ARHGEF4: variants seen among roughly 807,000 people sequenced by gnomAD.
The protein encoded by ARHGEF4 is Rho guanine nucleotide exchange factor 4, also known as APC-stimulated guanine nucleotide exchange factor 1.
ARHGEF4 carries 119 observed loss-of-function variants against 162.0 expected under a neutral mutation model. The observed-to-expected ratio is 0.73, with a 90% confidence interval of 0.63 to 0.86. The LOEUF is 0.86. ARHGEF4 is among the 40% of genes least tolerant of loss of function. ARHGEF4 has a pLI of 0.00. For missense variants in ARHGEF4, 2,488 were observed against 2,456.0 expected, an observed-to-expected ratio of 1.01 and a Z score of -0.28; for synonymous variants, 1,014 against 979.9, an observed-to-expected ratio of 1.03 and a Z score of -0.65.
rs189764608 is a variant in ARHGEF4, at chr2:130,913,940, A to G, written c.40-46A>G. On this transcript the variant is annotated intron_variant, in intron 1 of 13. Transcript: ENST00000409359. ...AGGCACGGTGTAAACATGTGCACAG[A>G]TGTACTCAGGCCTTGTCTCTGACTC... is the stretch of plus-strand genomic sequence containing the variant. 5.1e-5 allele frequency: 79 copies of G among 1,534,562 alleles called. 1 individual carries two copies. The Middle Eastern group carries it at 1.2e-3, about 23-fold the overall frequency.
rs115484662 is a variant in ARHGEF4 at position 130,949,785 on chromosome 2, G to A, written c.3985+3150G>A. Among the ~76,000 whole-genome samples, 1,178 of 152,202 alleles carry A rather than the reference G, an allele frequency of 7.7e-3. 6 individuals carry two copies. Among genetic ancestry groups the A allele is most frequent in the Middle Eastern group, 0.017 (5 of 294 alleles). Reference sequence around the variant, plus strand: ...CTGCCTCAGCCCCCAAGTAGCTGGGGTTACAGGTCCCCACCACCATGCCCA... The same window carrying A: ...CTGCCTCAGCCCCCAAGTAGCTGGGATTACAGGTCCCCACCACCATGCCCA... On this transcript the variant is annotated intron_variant, in intron 4 of 13. Transcript: ENST00000409359.
At chr2:131,045,280 C>G in intron 12 of ARHGEF4, 89 bp from the exon 13 acceptor site, 1 of 1,231,270 alleles carries the variant, frequency 8.1e-7, no homozygotes, top group South Asian at 1.4e-5. Flanking sequence ...CATGATGAGA[C>G]CCTGGGCACC....
chr2:130,854,128 T>A (rs1681597812), intron 1 of ARHGEF4, among the ~76,000 whole-genome samples: 1 of 152,122 alleles, frequency 6.6e-6, no homozygotes, highest in African/African-American at 2.4e-5. Flanking sequence ...ATAAAAAAAT[T>A]ATAGCATACC....
At chr2:131,021,035 TG>T (rs1186484002) in intron 4 of ARHGEF4, among the ~76,000 whole-genome samples, 2 of 152,216 alleles carry the variant, frequency 1.3e-5, no homozygotes, top group African/African-American at 4.8e-5. Context: ...TTGATGGGGT[TG>T]TTTTTTTTCT....
At chr2:130,869,079 G>A (rs1274469870) in intron 1 of ARHGEF4, among the ~76,000 whole-genome samples, 1 of 152,216 alleles carries the variant, frequency 6.6e-6, no homozygotes, top group Non-Finnish European at 1.5e-5. Flanking sequence ...CTTGGGCTTA[G>A]GACACAGACA....
chr2:131,045,765 T>C (rs982466561), intron 13 of ARHGEF4: 30 of 1,427,870 alleles, frequency 2.1e-5, no homozygotes, highest in Non-Finnish European at 2.5e-5. Context: ...TCCCCATTTC[T>C]ACAGAGAGCC....
rs531891185 is a variant in ARHGEF4 at position 131,046,966 on chromosome 2, G to T, written c.*777G>T. 3 of 152,792 alleles carry T rather than the reference G, an allele frequency of 2.0e-5. No individual in the cohort carries two copies. Among genetic ancestry groups the T allele is most frequent in the East Asian group, 3.9e-4 (2 of 5,188 alleles). 9.5% of individuals were successfully genotyped at this position (152,792 alleles called of 1,614,324 possible). On this transcript the variant is annotated 3_prime_UTR_variant, in exon 14 of 14. Coordinates refer to ENST00000409359, the MANE Select transcript of ARHGEF4 (RefSeq NM_001367493.1). ...TCTAACAACAAACAATGGAGAAAAA[G>T]AATTGATTCTTAGTGACACAGAAGA... is the stretch of plus-strand genomic sequence containing the variant.
At chr2:130,878,200 T>C (rs563544616) in intron 1 of ARHGEF4, among the ~76,000 whole-genome samples, 1 of 152,348 alleles carries the variant, frequency 6.6e-6, no homozygotes, top group Admixed American at 6.5e-5. Flanking sequence ...TTTATCTTTT[T>C]TTTACAACCC....
At chr2:130,852,883 G>A (rs113442481) in intron 1 of ARHGEF4, among the ~76,000 whole-genome samples, 18 of 152,320 alleles carry the variant, frequency 1.2e-4, no homozygotes, top group Admixed American at 3.3e-4. Context: ...AGGGCTGAGC[G>A]ACACAAGGGC....
chr2:130,926,390 A>G (rs1047185435), intron 2 of ARHGEF4, among the ~76,000 whole-genome samples: 1 of 152,026 alleles, frequency 6.6e-6, no homozygotes, highest in African/African-American at 2.4e-5. Context: ...CTGTCTTCTC[A>G]GTGCTGGTGT....
chr2:130,938,058 G>A lies in ARHGEF4; in HGVS notation c.3858+6801G>A, dbSNP rs147358473. Among the ~76,000 whole-genome samples the A allele has an allele frequency of 2.8e-3, 432 of 152,246 alleles. 5 individuals carry two copies. Among genetic ancestry groups the A allele is most frequent in the Non-Finnish European group, 9.9e-4 (67 of 68,018 alleles). ...GCATGTATGTTGCTGACAGTATTCC[G>A]TGGCCTGGACCTACAACAACTTGTT... On this transcript the variant is annotated intron_variant, in intron 3 of 13. Transcript: ENST00000409359.
intron 3 of ARHGEF4, among the ~76,000 whole-genome samples, chr2:130,944,114 C>G (rs937019521): frequency 6.6e-6 from 1 of 152,170 alleles, no homozygotes; most frequent in Non-Finnish European, 1.5e-5. Context: ...TATTCCACTT[C>G]TTTCTGGCCT....
At chr2:130,922,227 C>T (rs1216876093) in intron 2 of ARHGEF4, among the ~76,000 whole-genome samples, 4 of 151,658 alleles carry the variant, frequency 2.6e-5, no homozygotes, top group African/African-American at 4.8e-5. Flanking sequence ...AAAAATTAGC[C>T]GGGCATGGTG....
At chr2:131,043,409 G>T (rs1354539016) in intron 10 of ARHGEF4, 43 bp from the exon 11 acceptor site, 35 of 1,610,804 alleles carry the variant, frequency 2.2e-5, no homozygotes, top group Non-Finnish European at 2.9e-5. Flanking sequence ...GGAGCCCACG[G>T]TTGGGTATGC....
rs1163234445 is a variant in ARHGEF4, at chr2:131,040,306, G to A, written c.4528G>A (p.Glu1510Lys). ...CAAGCGCGCAGACATGTTCAGCGAG[G>A]AGCAGCTGCGTACCATCTTCGGGAA... ...CRKRADMFSE[E>K]QLRTIFGNIE... is the part of the protein sequence containing the mutation. Residue 1510 changes from glutamate (E) to lysine (K), a missense_variant, in exon 8 of 14, where the codon GAG becomes AAG. By Grantham distance (56) the Glu-to-Lys change is moderately conservative. Transcript: ENST00000409359. The A allele has an allele frequency of 5.0e-6, 8 of 1,613,056 alleles. No individual in the cohort carries two copies. The highest frequency in any genetic ancestry group is 6.8e-6 in the Non-Finnish European group (8 of 1,179,840).
chr2:131,023,530 GA>G (rs2105359076), intron 4 of ARHGEF4, among the ~76,000 whole-genome samples: 1 of 152,300 alleles, frequency 6.6e-6, no homozygotes, highest in African/African-American at 2.4e-5. Context: ...AGCCTTTCAG[GA>G]AATGAAAATT....
At chr2:130,912,766 G>C (rs575285792) in intron 1 of ARHGEF4, among the ~76,000 whole-genome samples, 4 of 152,112 alleles carry the variant, frequency 2.6e-5, no homozygotes, top group Non-Finnish European at 2.9e-5. Context: ...ACTGAGACAC[G>C]CTACAGCCAT....
At chr2:130,958,930 T>C (rs1684460694) in intron 4 of ARHGEF4, among the ~76,000 whole-genome samples, 1 of 151,558 alleles carries the variant, frequency 6.6e-6, no homozygotes, top group Non-Finnish European at 1.5e-5. Context: ...CATATCTAGA[T>C]ACATTTCTTT....
chr2:131,016,608 C>G (rs1474474111), intron 4 of ARHGEF4, among the ~76,000 whole-genome samples: 1 of 152,250 alleles, frequency 6.6e-6, no homozygotes, highest in Non-Finnish European at 1.5e-5. Flanking sequence ...AGTCAGTACT[C>G]ACTTTGTTAA....
Sources: gnomAD v4.1 joint callset for allele counts (sites outside exome capture counted in the v4.1 genomes callset) on GRCh38, gnomAD v4.1.1 for gene constraint, MANE v1.5 for transcripts, NCBI Gene and HGNC (gene_info 2026-07-23, HGNC 2026-07-21) for gene names.